Variants in NTNG1 observed in about 807,000 individuals in gnomAD.
NTNG1 encodes netrin-G1.
Under a neutral mutation model 54.0 loss-of-function variants are expected in NTNG1, and 16 were observed. That is an observed-to-expected ratio of 0.30 (90% confidence interval 0.20 to 0.45). The LOEUF (loss-of-function observed/expected upper bound fraction) is 0.45, where lower values mean the gene tolerates loss of function less well. Among genes scored for constraint, NTNG1 ranks in the 20% least tolerant of loss-of-function variants. The pLI is 1.00. For missense variants in NTNG1, 530 were observed against 678.7 expected (o/e 0.78, Z 2.43); for synonymous variants, 255 against 263.1 (o/e 0.97, Z 0.30).
chr1:107,181,502 G>A (rs992462432), intron 2 of NTNG1, among the ~76,000 whole-genome samples: 1 of 151,138 alleles, frequency 6.6e-6, no homozygotes, highest in Non-Finnish European at 1.5e-5. Flanking sequence ...GAAAGAGAGT[G>A]TGAAACAATC....
chr1:107,299,191 C>G (rs1666171740), intron 2 of NTNG1, among the ~76,000 whole-genome samples: 1 of 152,104 alleles, frequency 6.6e-6, no homozygotes, highest in African/African-American at 2.4e-5. Flanking sequence ...GACATGTGGA[C>G]AACTCAAAGT....
At chr1:107,430,952 G>C in intron 6 of NTNG1, 35 bp downstream of exon 6, 2 of 1,599,844 alleles carry the variant, frequency 1.3e-6, no homozygotes, top group Non-Finnish European at 1.7e-6. Flanking sequence ...ATTCTTCTGT[G>C]CCTTTTGAGC....
intron 2 of NTNG1, among the ~76,000 whole-genome samples, chr1:107,186,780 A>G (rs757855978): frequency 2.0e-5 from 3 of 152,172 alleles, no homozygotes; most frequent in East Asian, 3.9e-4. Context: ...ATCTCTTTAG[A>G]CAATAATGAT....
At chr1:107,264,170 C>T (rs1486664730) in intron 2 of NTNG1, among the ~76,000 whole-genome samples, 1 of 152,002 alleles carries the variant, frequency 6.6e-6, no homozygotes, top group Non-Finnish European at 1.5e-5. Context: ...ACACACACGC[C>T]CTTCTATTTT....
chr1:107,420,946 A>G (rs765221185), intron 5 of NTNG1: 3 of 638,374 alleles, frequency 4.7e-6, no homozygotes, highest in Non-Finnish European at 8.3e-6. Flanking sequence ...TGTGATTGAA[A>G]CAAACTCCTA....
rs545639009 is a variant in NTNG1, at chr1:107,456,703, T to C, written c.1390+19904T>C. The stretch of plus-strand genomic sequence containing the variant: ...GCAAGTAGGGAAGTCAGAGCTAGTG[T>C]TTCCATTTGGTTTCATGTTTGTCCA... On this transcript the variant is annotated intron_variant, in intron 7 of 7. Transcript: ENST00000370068. Among the ~76,000 whole-genome samples the C allele has an allele frequency of 3.3e-5, 5 of 152,366 alleles. No homozygotes were observed. In the East Asian group the frequency reaches 9.6e-4, roughly 29 times the overall value.
At chr1:107,140,421 C>A (rs1008102924), upstream of NTNG1, among the ~76,000 whole-genome samples, 1 of 152,128 alleles carries the variant, frequency 6.6e-6, no homozygotes, top group Non-Finnish European at 1.5e-5. Flanking sequence ...GGCCGGGAGC[C>A]GCTGGTGGGG....
At chr1:107,147,894 C>G (rs1420435954) in intron 1 of NTNG1, among the ~76,000 whole-genome samples, 175 bp from the exon 2 acceptor site, 2 of 152,118 alleles carry the variant, frequency 1.3e-5, no homozygotes, top group Admixed American at 6.5e-5. Flanking sequence ...AAAATTCTCC[C>G]CAATGTGAAT....
intron 2 of NTNG1, among the ~76,000 whole-genome samples, chr1:107,286,673 A>C (rs767994851): frequency 6.6e-6 from 1 of 152,202 alleles, no homozygotes; most frequent in Non-Finnish European, 1.5e-5. Context: ...TTTGCAATTC[A>C]CAAAGTCACT....
chr1:107,391,978 A>G (rs1285390001), intron 3 of NTNG1, among the ~76,000 whole-genome samples: 2 of 152,162 alleles, frequency 1.3e-5, no homozygotes, highest in African/African-American at 2.4e-5. Flanking sequence ...GGAAAAGGAG[A>G]GGGATACATC....
intron 7 of NTNG1, among the ~76,000 whole-genome samples, chr1:107,475,876 C>CA (rs913014565): frequency 7.9e-5 from 12 of 151,650 alleles, no homozygotes; most frequent in Middle Eastern, 3.4e-3. Context: ...TTGTGACAAC[C>CA]AAAAAAAATG....
At chr1:107,205,348 T>G (rs1418389870) in intron 2 of NTNG1, among the ~76,000 whole-genome samples, 1 of 152,138 alleles carries the variant, frequency 6.6e-6, no homozygotes, top group Non-Finnish European at 1.5e-5. Flanking sequence ...AGTTCTCTGA[T>G]GGGTCCAAGA....
Position 107,385,186 on chromosome 1 carries a change from C to T in NTNG1, c.888-9968C>T, listed in dbSNP as rs142237578. Among the ~76,000 whole-genome samples the T allele has an allele frequency of 7.3e-3, 1,118 of 152,260 alleles. 13 individuals are homozygous for T. Among genetic ancestry groups the T allele is most frequent in the African/African-American group, 0.025 (1,057 of 41,546 alleles). ...TATCAGTTGTGGGAAGACAGACTCA[C>T]GTTAACAGTGCCCTAGGACTGGGAT... is the stretch of plus-strand genomic sequence containing the variant. On this transcript the variant is annotated intron_variant, in intron 3 of 7. Coordinates refer to ENST00000370068, the MANE Select transcript of NTNG1 (RefSeq NM_001113226.3).
Position 107,435,347 on chromosome 1 carries a change from T to A in NTNG1, c.1256-1318T>A, listed in dbSNP as rs72701226. On this transcript the variant is annotated intron_variant, in intron 6 of 7. Transcript: ENST00000370068. Reference sequence around the variant, plus strand: ...TTAATTTAAAATAAAACTCTAGTTGTTAAGTACAAACTAAGCCAGGCAAGG... The same window carrying A: ...TTAATTTAAAATAAAACTCTAGTTGATAAGTACAAACTAAGCCAGGCAAGG... 9.9e-3 allele frequency among the ~76,000 whole-genome samples: 1,515 copies of A among 152,290 alleles called. 19 individuals are homozygous for A. Among genetic ancestry groups the A allele is most frequent in the South Asian group, 0.047 (225 of 4,832 alleles).
chr1:107,340,542 T>A (rs1374490568), intron 3 of NTNG1, among the ~76,000 whole-genome samples: 1 of 152,140 alleles, frequency 6.6e-6, no homozygotes, highest in Non-Finnish European at 1.5e-5. Flanking sequence ...ATTTGATTAT[T>A]TGCTGCTTTC....
intron 3 of NTNG1, among the ~76,000 whole-genome samples, chr1:107,370,577 T>C (rs1008210346): frequency 6.6e-6 from 1 of 151,858 alleles, no homozygotes; most frequent in African/African-American, 2.4e-5. Context: ...TCCTCTAGCT[T>C]AGCTCCCACT....
chr1:107,367,789 G>A (rs1338014790), intron 3 of NTNG1, among the ~76,000 whole-genome samples: 11 of 151,802 alleles, frequency 7.2e-5, no homozygotes, highest in Admixed American at 3.9e-4. Flanking sequence ...TTGACATGGA[G>A]TCTCACTCTG....
intron 3 of NTNG1, among the ~76,000 whole-genome samples, chr1:107,329,327 G>C (rs895341931): frequency 6.6e-6 from 1 of 152,084 alleles, no homozygotes; most frequent in African/African-American, 2.4e-5. Flanking sequence ...GGCCCCCTAC[G>C]TCACTCTCAG....
chr1:107,463,780 A>G (rs1677429639), intron 7 of NTNG1, among the ~76,000 whole-genome samples: 1 of 152,070 alleles, frequency 6.6e-6, no homozygotes, highest in African/African-American at 2.4e-5. Context: ...AGTCATTTCC[A>G]TATGTTTACT....
Sources: gnomAD v4.1 joint callset for allele counts (sites outside exome capture counted in the v4.1 genomes callset) on GRCh38, gnomAD v4.1.1 for gene constraint, MANE v1.5 for transcripts, NCBI Gene and HGNC (gene_info 2026-07-23, HGNC 2026-07-21) for gene names.